TRIM49: variants seen among roughly 807,000 people sequenced by gnomAD.
The protein encoded by TRIM49 is tripartite motif-containing protein 49.
A neutral mutation model predicts 27.4 loss-of-function variants in TRIM49; 5 were observed. That is an observed-to-expected ratio of 0.18 (90% CI 0.10 to 0.38). TRIM49 has a LOEUF of 0.38. TRIM49 is among the 10% of genes least tolerant of loss of function. The pLI is 1.00. For synonymous variants in TRIM49, 69 were observed against 166.0 expected (o/e 0.42, Z 4.49); for missense variants, 188 against 487.5 (o/e 0.39, Z 5.79).
the TRIM49 span, among the ~76,000 whole-genome samples, chr11:89,774,038 T>C: frequency 6.9e-6 from 1 of 144,868 alleles, no homozygotes; most frequent in Non-Finnish European, 1.5e-5. Context: ...TCTCGCTCTG[T>C]CACCCAGGCT....
chr11:89,768,185 T>G, the TRIM49 span: 103 of 1,334,880 alleles, frequency 7.7e-5, 7 homozygotes, highest in Middle Eastern at 2.7e-4. Context: ...AGGGCCACAC[T>G]CACCTCGGAA....
the TRIM49 span, chr11:89,777,040 C>T: frequency 2.6e-6 from 4 of 1,548,872 alleles, no homozygotes; most frequent in Admixed American, 5.9e-5. Context: ...TTTGCGTGAA[C>T]TACTTCATAG....
At chr11:89,802,200 C>T (rs1344999720) in intron 4 of TRIM49, among the ~76,000 whole-genome samples, 2 of 145,208 alleles carry the variant, frequency 1.4e-5, no homozygotes, top group Non-Finnish European at 3.0e-5. Context: ...CTATTCCAAC[C>T]CATATTTATG....
At chr11:89,807,695 A>AT (rs1252266821) in intron 1 of TRIM49, among the ~76,000 whole-genome samples, 5 of 150,824 alleles carry the variant, frequency 3.3e-5, no homozygotes, top group South Asian at 4.2e-4. Flanking sequence ...CACCTGGCTA[A>AT]TTTTTTTTGT....
At chr11:89,808,146 T>G (rs1321261137) in intron 1 of TRIM49, among the ~76,000 whole-genome samples, 1 of 146,390 alleles carries the variant, frequency 6.8e-6, no homozygotes, top group East Asian at 2.0e-4. Flanking sequence ...AAATACAGAA[T>G]CCAAATGATA....
At chr11:89,782,317 T>G in the TRIM49 span, 59,810 of 1,473,778 alleles carry the variant, frequency 0.041, 8 homozygotes, top group East Asian at 0.09. Context: ...TTATCTATGG[T>G]TTTCCTCCTT....
the TRIM49 span, among the ~76,000 whole-genome samples, chr11:89,770,844 T>C: frequency 5.6e-5 from 8 of 143,404 alleles, no homozygotes; most frequent in Non-Finnish European, 6.0e-5. Flanking sequence ...CCAGCCTGGG[T>C]GACAGAGCGA....
At chr11:89,768,261 G>A in the TRIM49 span, 1 of 1,502,142 alleles carries the variant, frequency 6.7e-7, no homozygotes, top group Non-Finnish European at 9.0e-7. Context: ...ACAGGCTGGG[G>A]CATGTGCAGC....
the TRIM49 span, chr11:89,766,796 C>T: frequency 8.2e-7 from 1 of 1,219,324 alleles, no homozygotes; most frequent in Non-Finnish European, 1.2e-6. Context: ...AATGATTATC[C>T]ACCTTCACAC....
the TRIM49 span, chr11:89,777,456 A>G: frequency 2.0e-6 from 3 of 1,523,858 alleles, no homozygotes; most frequent in Non-Finnish European, 2.6e-6. Flanking sequence ...GCCTGTGATA[A>G]TGATGGTGAT....
intron 7 of TRIM49, among the ~76,000 whole-genome samples, chr11:89,798,921 T>C (rs1409879130): frequency 1.3e-5 from 1 of 78,578 alleles, no homozygotes; most frequent in Non-Finnish European, 2.1e-5. Flanking sequence ...CTAAATGCAA[T>C]GCTGTTATCA....
At chr11:89,785,699 G>T in the TRIM49 span, among the ~76,000 whole-genome samples, 1 of 144,754 alleles carries the variant, frequency 6.9e-6, no homozygotes, top group Non-Finnish European at 1.5e-5. Context: ...TAAATTGTGA[G>T]AATTTTAAAA....
Position 89,804,147 on chromosome 11 carries a change from C to CT in TRIM49, c.322dup (p.Arg108LysfsTer23). On this transcript the variant is annotated frameshift_variant, in exon 3 of 8. Coordinates refer to ENST00000329758, the MANE Select transcript of TRIM49 (RefSeq NM_020358.2). LOFTEE classifies it high-confidence loss of function. ...GGAGCACAGCAAACAGAGCAGGCTC[C>CT]TGTCCACTTCACAGAATATCTTCTT... 2 of 1,605,936 alleles carry CT rather than the reference C, an allele frequency of 1.2e-6. No homozygotes were observed. Among genetic ancestry groups the CT allele is most frequent in the Non-Finnish European group, 1.7e-6 (2 of 1,177,402 alleles).
At chr11:89,793,718 T>C (rs1949670566), downstream of TRIM49, among the ~76,000 whole-genome samples, 2 of 152,096 alleles carry the variant, frequency 1.3e-5, no homozygotes, top group Non-Finnish European at 2.9e-5. Flanking sequence ...AAATTGGGTA[T>C]TGATGGGACG....
At chr11:89,785,036 C>T in the TRIM49 span, among the ~76,000 whole-genome samples, 1 of 149,782 alleles carries the variant, frequency 6.7e-6, no homozygotes, top group Non-Finnish European at 1.5e-5. Context: ...AATCATTAAT[C>T]CAGAAATCTT....
chr11:89,802,297 T>C (rs997644537), intron 4 of TRIM49, among the ~76,000 whole-genome samples: 2 of 150,920 alleles, frequency 1.3e-5, no homozygotes, highest in East Asian at 1.9e-4. Context: ...TTCTGAGATA[T>C]GCACCAAGTT....
At chr11:89,794,472 A>G (rs563913737), downstream of TRIM49, among the ~76,000 whole-genome samples, 13 of 151,552 alleles carry the variant, frequency 8.6e-5, no homozygotes, top group African/African-American at 2.9e-4. Flanking sequence ...GCATCACACT[A>G]CTTGACTTCA....
the TRIM49 span, among the ~76,000 whole-genome samples, chr11:89,776,818 A>C: frequency 7.3e-4 from 110 of 151,138 alleles, no homozygotes; most frequent in African/African-American, 2.6e-3. Context: ...GCATGTTTGC[A>C]TTTACTATGT....
the TRIM49 span, chr11:89,768,227 G>C: frequency 1.0e-5 from 15 of 1,470,972 alleles, 2 homozygotes; most frequent in African/African-American, 7.5e-5. Context: ...TCCTGTGATG[G>C]GCCCTGTAGG....
Sources: allele counts gnomAD v4.1 joint callset (sites outside exome capture counted in the v4.1 genomes callset), GRCh38; gene constraint gnomAD v4.1.1; transcripts MANE v1.5; gene names NCBI Gene and HGNC (gene_info 2026-07-23, HGNC 2026-07-21).